Variants in PDLIM5 observed in about 807,000 individuals in gnomAD.
PDLIM5 encodes PDZ and LIM domain protein 5.
A neutral mutation model predicts 64.2 loss-of-function variants in PDLIM5; 34 were observed. That is an observed-to-expected ratio of 0.53 (90% CI 0.40 to 0.71). PDLIM5 has a LOEUF of 0.71. Ranked by LOEUF, PDLIM5 falls within the 30% of genes least tolerant of loss-of-function variation. The pLI, the probability that PDLIM5 is intolerant of heterozygous loss-of-function variation, is 0.00. For missense variants in PDLIM5, 683 were observed against 733.6 expected (o/e 0.93, Z 0.80); for synonymous variants, 253 against 269.1 (o/e 0.94, Z 0.59).
intron 3 of PDLIM5, among the ~76,000 whole-genome samples, chr4:94,554,767 C>A (rs2452590): frequency 0.57 from 49,718 of 86,664 alleles, 8,342 homozygotes; most frequent in East Asian, 0.63. Flanking sequence ...CCTTTGGTAT[C>A]TGCAATGTGT....
intron 2 of PDLIM5, among the ~76,000 whole-genome samples, chr4:94,510,055 T>G (rs575669552): frequency 3.3e-5 from 5 of 152,346 alleles, no homozygotes; most frequent in African/African-American, 1.2e-4. Context: ...ATGTAATCAC[T>G]CAGTAAACGT....
At chr4:94,513,166 A>T (rs114871027) in intron 2 of PDLIM5, among the ~76,000 whole-genome samples, 1,738 of 152,232 alleles carry the variant, frequency 0.011, 33 homozygotes, top group African/African-American at 0.038. Flanking sequence ...AGGTAATGTG[A>T]TTCCTCCAGT....
At chr4:94,652,831 A>C (rs80242129) in intron 9 of PDLIM5, among the ~76,000 whole-genome samples, 3,835 of 152,176 alleles carry the variant, frequency 0.025, 161 homozygotes, top group East Asian at 0.15. Flanking sequence ...AGTTAACAAA[A>C]AGTAGGGCTA....
rs138287195 is a variant in PDLIM5, at chr4:94,647,751, A to G, written c.1284-6709A>G. On this transcript the variant is annotated intron_variant, in intron 9 of 12. Transcript: ENST00000317968. ...TGTGGAACATTCTCCGGGATAGACCATATGTTAAGTCATAAAACGAGTTTC... is the reference window on the plus strand; with the variant it reads ...TGTGGAACATTCTCCGGGATAGACCGTATGTTAAGTCATAAAACGAGTTTC... Among the ~76,000 whole-genome samples, 202 of 152,316 alleles carry G rather than the reference A, an allele frequency of 1.3e-3. No individual in the cohort carries two copies. In the Middle Eastern group the frequency reaches 0.017, roughly 13 times the overall value.
At chr4:94,653,715 CA>C (rs1300619414) in intron 9 of PDLIM5, among the ~76,000 whole-genome samples, 1 of 152,058 alleles carries the variant, frequency 6.6e-6, no homozygotes, top group Non-Finnish European at 1.5e-5. Context: ...CCATAATTAA[CA>C]ATACTACATT....
chr4:94,646,830 G>A (rs1437307618), intron 9 of PDLIM5, among the ~76,000 whole-genome samples: 2 of 152,090 alleles, frequency 1.3e-5, no homozygotes, highest in African/African-American at 4.8e-5. Context: ...GGGTGTGACT[G>A]GAAGGAATCC....
At chr4:94,626,989 A>G (rs1739748791) in intron 8 of PDLIM5, among the ~76,000 whole-genome samples, 5 of 152,224 alleles carry the variant, frequency 3.3e-5, no homozygotes, top group Admixed American at 3.3e-4. Flanking sequence ...GCACTACAGT[A>G]ATAAATCGAG....
chr4:94,473,091 C>T (rs1725019292), intron 2 of PDLIM5, among the ~76,000 whole-genome samples: 1 of 152,026 alleles, frequency 6.6e-6, no homozygotes, highest in Non-Finnish European at 1.5e-5. Flanking sequence ...TAAGACCTCA[C>T]AGATAAGGTG....
chr4:94,463,393 G>T (rs752207019), intron 2 of PDLIM5, among the ~76,000 whole-genome samples: 5 of 152,134 alleles, frequency 3.3e-5, no homozygotes, highest in Admixed American at 6.5e-5. Context: ...TGCATATTTT[G>T]TATGTTATAA....
intron 8 of PDLIM5, among the ~76,000 whole-genome samples, chr4:94,637,867 A>G (rs1476596440): frequency 1.3e-5 from 2 of 152,200 alleles, no homozygotes; most frequent in Non-Finnish European, 1.5e-5. Context: ...GAGACTTGCA[A>G]TAGTCCAGAT....
chr4:94,666,064 A>C lies in PDLIM5; in HGVS notation c.*1997A>C. 2 of 1,524,742 alleles carry C rather than the reference A, an allele frequency of 1.3e-6. No individual in the cohort carries two copies. Among genetic ancestry groups the C allele is most frequent in the Non-Finnish European group, 1.8e-6 (2 of 1,138,246 alleles). 94.5% of individuals were successfully genotyped at this position (1,524,742 alleles called of 1,614,324 possible). A position where few individuals can be genotyped will look rare whatever the true frequency, so the allele number is the denominator to read the frequency against. On this transcript the variant is annotated 3_prime_UTR_variant, in exon 13 of 13. Transcript: ENST00000317968. ...CATGAACCTCCTAAGTTATAATTTA[A>C]ATTTGTTTGGGGCAAGGTGATTTTA... is the stretch of plus-strand genomic sequence containing the variant.
chr4:94,576,182 A>C (rs887793404), intron 5 of PDLIM5, 148 bp downstream of exon 5: 2 of 645,418 alleles, frequency 3.1e-6, no homozygotes, highest in African/African-American at 3.7e-5. Flanking sequence ...TATGGCCTTT[A>C]TATACATAGG....
Position 94,667,776 on chromosome 4 carries a change from T to C in PDLIM5, c.*3709T>C, listed in dbSNP as rs1743148473. The stretch of plus-strand genomic sequence containing the variant: ...TATTACTATAGCATTATGTTTAAAA[T>C]AATCTACAACAAAAATGTACCATTT... On this transcript the variant is annotated 3_prime_UTR_variant, in exon 13 of 13. Coordinates refer to ENST00000317968, the MANE Select transcript of PDLIM5 (RefSeq NM_006457.5). The C allele has an allele frequency of 6.6e-6, 1 of 152,162 alleles. No homozygotes were observed. The highest frequency in any genetic ancestry group is 6.5e-5 in the Admixed American group (1 of 15,274). 9.4% of individuals were successfully genotyped at this position (152,162 alleles called of 1,614,324 possible). A position where few individuals can be genotyped will look rare whatever the true frequency, so the allele number is the denominator to read the frequency against.
chr4:94,501,174 G>A (rs1454525324), intron 2 of PDLIM5, among the ~76,000 whole-genome samples: 1 of 151,262 alleles, frequency 6.6e-6, no homozygotes, highest in Non-Finnish European at 1.5e-5. Context: ...CCAGGCTCAA[G>A]CGATCCTCCC....
chr4:94,520,188 A>C (rs1729710119), intron 2 of PDLIM5, among the ~76,000 whole-genome samples: 2 of 152,206 alleles, frequency 1.3e-5, no homozygotes, highest in Non-Finnish European at 2.9e-5. Flanking sequence ...GTTTTTGAAG[A>C]AGCACTCAGC....
chr4:94,548,726 C>T (rs1176293745), intron 3 of PDLIM5, among the ~76,000 whole-genome samples: 1 of 152,122 alleles, frequency 6.6e-6, no homozygotes, highest in Non-Finnish European at 1.5e-5. Flanking sequence ...CTTTAGGGCA[C>T]ACCCACTTCC....
chr4:94,612,796 G>A (rs1406042486), intron 7 of PDLIM5, among the ~76,000 whole-genome samples: 1 of 151,910 alleles, frequency 6.6e-6, no homozygotes, highest in African/African-American at 2.4e-5. Flanking sequence ...TATCTTGTAT[G>A]ACAGTAATCA....
intron 3 of PDLIM5, among the ~76,000 whole-genome samples, chr4:94,557,302 AC>A (rs1733430148): frequency 6.6e-6 from 1 of 152,162 alleles, no homozygotes; most frequent in African/African-American, 2.4e-5. Flanking sequence ...TGTTTTGGTT[AC>A]TATAGCCTTG....
intron 3 of PDLIM5, among the ~76,000 whole-genome samples, chr4:94,553,439 C>T (rs1020525741): frequency 6.6e-6 from 1 of 152,186 alleles, no homozygotes; most frequent in African/African-American, 2.4e-5. Flanking sequence ...TAGCGTCTGA[C>T]TTCCTTTTGC....
Sources: gnomAD v4.1 joint callset for allele counts (sites outside exome capture counted in the v4.1 genomes callset) on GRCh38, gnomAD v4.1.1 for gene constraint, MANE v1.5 for transcripts, NCBI Gene and HGNC (gene_info 2026-07-23, HGNC 2026-07-21) for gene names.